COG5: variants seen among roughly 807,000 people sequenced by gnomAD.
COG5 encodes conserved oligomeric Golgi complex subunit 5.
COG5 carries 86 observed loss-of-function variants against 110.4 expected under a neutral mutation model. The ratio of observed to expected loss-of-function variants is 0.78; its 90% CI spans 0.65 to 0.93. The LOEUF (loss-of-function observed/expected upper bound fraction) is 0.93. Among genes scored for constraint, COG5 ranks in the 40% least tolerant of loss-of-function variants. The pLI is 0.00. For missense variants in COG5, 1,077 were observed against 987.0 expected (o/e 1.09, Z -1.22); for synonymous variants, 360 against 334.6 (o/e 1.08, Z -0.83).
chr7:107,320,882 C>G lies in COG5; in HGVS notation c.1108+3558G>C, dbSNP rs1000839127. Among the ~76,000 whole-genome samples the G allele has an allele frequency of 2.6e-5, 4 of 152,138 alleles. No homozygotes were observed. The East Asian group carries it at 7.7e-4, about 29-fold the overall frequency. On this transcript the variant is annotated intron_variant, in intron 11 of 21. Coordinates refer to ENST00000297135, the MANE Select transcript of COG5 (RefSeq NM_006348.5). ...ACAGAAAACCATGATTGGTTAAGTACAGACATCCTTTCCTTCCCAGTAAAC... is the reference window on the plus strand; with the variant it reads ...ACAGAAAACCATGATTGGTTAAGTAGAGACATCCTTTCCTTCCCAGTAAAC...
intron 6 of COG5, among the ~76,000 whole-genome samples, chr7:107,499,093 T>C (rs1301553100): frequency 2.0e-5 from 3 of 152,020 alleles, no homozygotes; most frequent in East Asian, 1.9e-4. Context: ...GTATCTAAAA[T>C]AGACAAATGC....
At chr7:107,358,165 C>G (rs1812791120) in intron 10 of COG5, among the ~76,000 whole-genome samples, 5 of 152,112 alleles carry the variant, frequency 3.3e-5, no homozygotes, top group Admixed American at 2.6e-4. Context: ...ACAGTTGTTT[C>G]ATTATAACTG....
intron 5 of COG5, among the ~76,000 whole-genome samples, chr7:107,546,603 G>C (rs1425936045): frequency 1.3e-5 from 2 of 151,092 alleles, no homozygotes; most frequent in Admixed American, 1.3e-4. Flanking sequence ...CTTGCTATAA[G>C]AGTTGGTGTT....
chr7:107,231,076 G>A (rs1232225362), intron 18 of COG5, among the ~76,000 whole-genome samples: 1 of 152,120 alleles, frequency 6.6e-6, no homozygotes, highest in Non-Finnish European at 1.5e-5. Context: ...ATCAGTCAGT[G>A]TGGCTCAAGT....
At chr7:107,481,271 G>A (rs978587925) in intron 6 of COG5, among the ~76,000 whole-genome samples, 3 of 152,136 alleles carry the variant, frequency 2.0e-5, no homozygotes, top group Non-Finnish European at 4.4e-5. Context: ...GATGAAGAGA[G>A]AAAGTGGCTA....
chr7:107,287,427 C>T (rs1223360852), intron 12 of COG5, among the ~76,000 whole-genome samples: 2 of 152,102 alleles, frequency 1.3e-5, no homozygotes, highest in African/African-American at 4.8e-5. Flanking sequence ...CTCTATTTTG[C>T]CAGGCTTTGA....
chr7:107,358,380 C>A (rs925784387), intron 10 of COG5, among the ~76,000 whole-genome samples: 18 of 152,084 alleles, frequency 1.2e-4, no homozygotes, highest in African/African-American at 4.3e-4. Context: ...TATTAATTAT[C>A]CCATCTAGTA....
chr7:107,233,734 T>C (rs531755491), intron 18 of COG5, among the ~76,000 whole-genome samples: 3 of 152,242 alleles, frequency 2.0e-5, no homozygotes, highest in African/African-American at 7.2e-5. Flanking sequence ...TGAATATGAA[T>C]TGATAGAACT....
At chr7:107,483,582 T>C (rs1272364628) in intron 6 of COG5, among the ~76,000 whole-genome samples, 2 of 151,964 alleles carry the variant, frequency 1.3e-5, no homozygotes, top group Non-Finnish European at 2.9e-5. Flanking sequence ...TGCATGCCTG[T>C]AATCCCAGCT....
chr7:107,511,848 C>T (rs375859685), intron 6 of COG5, among the ~76,000 whole-genome samples: 15 of 152,166 alleles, frequency 9.9e-5, no homozygotes, highest in African/African-American at 2.7e-4. Context: ...TTCAACAACA[C>T]TTCATGCTAA....
Position 107,236,571 on chromosome 7 carries a change from A to G in COG5, c.1970T>C (p.Phe657Ser). ...AATAGCCTCAGTGTTGTCAAAGACA[A>G]AATCCAAGCATTCAAAGTGTTTAAA... is the stretch of plus-strand genomic sequence containing the variant. Reference protein sequence around the residue: ...DYFKHFECLDFVFDNTEAIAQ... With the variant: ...DYFKHFECLDSVFDNTEAIAQ... Residue 657 changes from phenylalanine to serine, a missense_variant, in exon 18 of 22, where the codon TTT becomes TCT. Transcript: ENST00000297135. 6.2e-7 allele frequency: 1 copy of G among 1,614,170 alleles called. No individual in the cohort carries two copies. Among genetic ancestry groups the G allele is most frequent in the East Asian group, 2.2e-5 (1 of 44,872 alleles).
chr7:107,465,149 A>C (rs894196856), intron 6 of COG5, among the ~76,000 whole-genome samples: 2 of 152,202 alleles, frequency 1.3e-5, no homozygotes, highest in Admixed American at 6.5e-5. Flanking sequence ...CAAGAATATA[A>C]GTAAGTCTCA....
chr7:107,354,688 C>A (rs977039184), intron 10 of COG5, among the ~76,000 whole-genome samples: 2 of 152,060 alleles, frequency 1.3e-5, no homozygotes, highest in African/African-American at 4.8e-5. Flanking sequence ...ACAACAACAA[C>A]AACAAAAAAG....
intron 10 of COG5, among the ~76,000 whole-genome samples, chr7:107,350,921 T>G (rs1812079776): frequency 1.3e-5 from 2 of 152,166 alleles, no homozygotes; most frequent in Admixed American, 1.3e-4. Flanking sequence ...GTTCAACTAT[T>G]TTATCTTTAC....
intron 10 of COG5, among the ~76,000 whole-genome samples, chr7:107,332,569 G>A (rs966433534): frequency 1.3e-5 from 2 of 152,156 alleles, no homozygotes; most frequent in African/African-American, 4.8e-5. Context: ...AGAGATTTAA[G>A]AAGAAGTGGT....
At position 107,558,114 on chromosome 7, in the gene COG5, C is replaced by A; in HGVS notation, c.96G>T (p.Gly32=). The A allele has an allele frequency of 3.1e-6, 5 of 1,613,526 alleles. No homozygotes were observed. Among genetic ancestry groups the A allele is most frequent in the Non-Finnish European group, 2.5e-6 (3 of 1,179,798 alleles). Residue 32 remains glycine, a splice_region_variant and synonymous_variant, in exon 2 of 22, where the codon GGG becomes GGT. Transcript: ENST00000297135. ...CTTCGTTTAAAAAGTCACTATAACA[C>A]CCTGGATTGGGGAAAAAATAAGGAA... ...AATVRELLQD[G]CYSDFLNEDF...
At position 107,252,345 on chromosome 7, in the gene COG5, CAAG is replaced by C. The variant is rs1284366738; in HGVS notation, c.1750-3849_1750-3847del. 2.0e-5 allele frequency among the ~76,000 whole-genome samples: 3 copies of C among 152,054 alleles called. No homozygotes were observed. The East Asian group carries it at 5.8e-4, about 29-fold the overall frequency. On this transcript the variant is annotated intron_variant, in intron 16 of 21. Transcript: ENST00000297135. ...ACATCACAAAGTATCAAAGCTCATT[CAAG>C]AAGAATAGATAACACAAATAGCCCT...
At chr7:107,561,402 A>G (rs1157090892) in intron 1 of COG5, among the ~76,000 whole-genome samples, 1 of 152,206 alleles carries the variant, frequency 6.6e-6, no homozygotes, top group Non-Finnish European at 1.5e-5. Flanking sequence ...GAACAAACTG[A>G]ACTGACAAGT....
chr7:107,329,750 G>C (rs1459803066), intron 10 of COG5, among the ~76,000 whole-genome samples: 1 of 151,934 alleles, frequency 6.6e-6, no homozygotes, highest in Non-Finnish European at 1.5e-5. Context: ...TAAAAAATTA[G>C]CTGAGTGTGG....
Sources: gnomAD v4.1 joint callset for allele counts (sites outside exome capture counted in the v4.1 genomes callset) on GRCh38, gnomAD v4.1.1 for gene constraint, MANE v1.5 for transcripts, NCBI Gene and HGNC (gene_info 2026-07-23, HGNC 2026-07-21) for gene names.